Variants in RHPN2 observed in about 807,000 individuals in gnomAD.
RHPN2 encodes rhophilin-2.
RHPN2 carries 40 observed loss-of-function variants against 79.0 expected under a neutral mutation model. The ratio of observed to expected loss-of-function variants is 0.51; its 90% CI spans 0.39 to 0.66. The LOEUF (loss-of-function observed/expected upper bound fraction) is 0.66, where lower values mean the gene tolerates loss of function less well. RHPN2 is among the 30% of genes least tolerant of loss of function. The pLI is 0.00. For synonymous variants in RHPN2, 285 were observed against 363.5 expected (o/e 0.78, Z 2.46); for missense variants, 686 against 883.5 (o/e 0.78, Z 2.83).
intron 1 of RHPN2, among the ~76,000 whole-genome samples, chr19:33,059,894 C>T (rs76478779): frequency 0.015 from 2,238 of 152,290 alleles, 56 homozygotes; most frequent in African/African-American, 0.051. Flanking sequence ...ACCTCTCTAC[C>T]CACCTCTTAA....
At chr19:33,032,066 G>C (rs960031543) in intron 2 of RHPN2, among the ~76,000 whole-genome samples, 2 of 140,424 alleles carry the variant, frequency 1.4e-5, no homozygotes, top group African/African-American at 5.5e-5. Context: ...TTTCCCCCGG[G>C]CTGGAATGCA....
chr19:33,055,186 C>CA (rs1242979381), intron 1 of RHPN2, among the ~76,000 whole-genome samples: 1 of 151,910 alleles, frequency 6.6e-6, no homozygotes, highest in Non-Finnish European at 1.5e-5. Flanking sequence ...CCCATCTCTA[C>CA]AAAAAATAAA....
intron 2 of RHPN2, among the ~76,000 whole-genome samples, chr19:33,039,192 G>A (rs1599830181): frequency 6.6e-6 from 1 of 152,250 alleles, no homozygotes; most frequent in Middle Eastern, 3.4e-3. Flanking sequence ...AGCGAGGACT[G>A]TCCCATCCCC....
At chr19:33,027,121 G>A (rs891082588) in intron 2 of RHPN2, 3 of 254,558 alleles carry the variant, frequency 1.2e-5, no homozygotes, top group Non-Finnish European at 2.3e-5. Context: ...CTAGCTGGGT[G>A]TGGTGGTGCA....
intron 2 of RHPN2, among the ~76,000 whole-genome samples, chr19:33,031,132 A>C (rs2145253301): frequency 6.6e-6 from 1 of 152,192 alleles, no homozygotes; most frequent in Admixed American, 6.5e-5. Context: ...TTCCATGCTC[A>C]CTCCAGACAC....
chr19:33,035,834 G>T (rs1054975657), intron 2 of RHPN2, among the ~76,000 whole-genome samples: 1 of 151,970 alleles, frequency 6.6e-6, no homozygotes, highest in Non-Finnish European at 1.5e-5. Flanking sequence ...TAATAATATC[G>T]GGCCGGGCGC....
chr19:33,000,773 C>A (rs1431562065), intron 9 of RHPN2, among the ~76,000 whole-genome samples: 1 of 152,156 alleles, frequency 6.6e-6, no homozygotes, highest in Non-Finnish European at 1.5e-5. Context: ...TCCCTCTAGG[C>A]TGACCCTTCC....
chr19:33,029,519 C>G (rs1971993936), intron 2 of RHPN2, among the ~76,000 whole-genome samples: 1 of 124,584 alleles, frequency 8.0e-6, no homozygotes, highest in Non-Finnish European at 1.6e-5. Context: ...GAGCGAGACT[C>G]TATCTCAGAA....
At position 32,998,418 on chromosome 19, in the gene RHPN2, G is replaced by A. The variant is rs368389012; in HGVS notation, c.1225+1168C>T. The stretch of plus-strand genomic sequence containing the variant: ...AGCACTTTGGGAGACAGAGGCAGGA[G>A]GATCGCTGGAGGCCAGGAGTTCAAA... On this transcript the variant is annotated intron_variant, in intron 10 of 14. Coordinates refer to ENST00000254260, the MANE Select transcript of RHPN2 (RefSeq NM_033103.5). 4.4e-4 allele frequency among the ~76,000 whole-genome samples: 67 copies of A among 152,286 alleles called. No individual in the cohort carries two copies. In the South Asian group the frequency reaches 0.014, roughly 32 times the overall value.
At chr19:33,055,817 C>A (rs1972227887) in intron 1 of RHPN2, among the ~76,000 whole-genome samples, 2 of 151,890 alleles carry the variant, frequency 1.3e-5, no homozygotes, top group African/African-American at 4.8e-5. Flanking sequence ...CAACAGGGAC[C>A]ATAAACCAGG....
At position 32,991,987 on chromosome 19, in the gene RHPN2, G is replaced by A. The variant is rs538249285; in HGVS notation, c.1498-18C>T. 1.1e-5 allele frequency: 18 copies of A among 1,613,790 alleles called. No individual in the cohort carries two copies. In the Admixed American group the frequency reaches 1.8e-4, roughly 16 times the overall value. ...AAGGGGCCCTTTGGAAGAGAGCATCGTTAGGTGTAGGATTTGAAGGCTGGA... is the reference window on the plus strand; with the variant it reads ...AAGGGGCCCTTTGGAAGAGAGCATCATTAGGTGTAGGATTTGAAGGCTGGA... On this transcript the variant is annotated intron_variant, in intron 12 of 14. Coordinates refer to ENST00000254260, the MANE Select transcript of RHPN2 (RefSeq NM_033103.5).
At chr19:32,992,957 A>T (rs1274787895) in intron 12 of RHPN2, among the ~76,000 whole-genome samples, 4 of 151,546 alleles carry the variant, frequency 2.6e-5, no homozygotes, top group African/African-American at 9.7e-5. Context: ...CCATCTCTAC[A>T]AGAAATGAAA....
chr19:33,005,770 G>A (rs1254774664), intron 7 of RHPN2, among the ~76,000 whole-genome samples: 2 of 152,062 alleles, frequency 1.3e-5, no homozygotes, highest in African/African-American at 4.8e-5. Context: ...AGGACACAGA[G>A]TGCCTGCCTA....
At position 32,979,882 on chromosome 19, in the gene RHPN2, G is replaced by A. The variant is rs893625882; in HGVS notation, c.*114C>T. Reference sequence around the variant, plus strand: ...CACATCAAATGTGAGTTTACACTATGAGAAAAACAGGATTTGAGAACAGAT... The same window carrying A: ...CACATCAAATGTGAGTTTACACTATAAGAAAAACAGGATTTGAGAACAGAT... On this transcript the variant is annotated 3_prime_UTR_variant, in exon 15 of 15. Transcript: ENST00000254260. The A allele has an allele frequency of 1.5e-6, 2 of 1,305,666 alleles. No individual in the cohort carries two copies. Among genetic ancestry groups the A allele is most frequent in the Non-Finnish European group, 2.2e-6 (2 of 912,148 alleles). 80.9% of individuals were successfully genotyped at this position (1,305,666 alleles called of 1,614,324 possible). A position where few individuals can be genotyped will look rare whatever the true frequency, so the allele number is the denominator to read the frequency against.
intron 11 of RHPN2, among the ~76,000 whole-genome samples, chr19:32,994,853 C>T (rs1971688331): frequency 6.6e-6 from 1 of 151,878 alleles, no homozygotes; most frequent in Non-Finnish European, 1.5e-5. Flanking sequence ...GTCCCAGCTA[C>T]TTGGGAGGCT....
chr19:33,043,621 T>C (rs571467494), intron 2 of RHPN2, among the ~76,000 whole-genome samples: 1 of 152,294 alleles, frequency 6.6e-6, no homozygotes, highest in African/African-American at 2.4e-5. Flanking sequence ...AAGAAGAAAC[T>C]CTGCACTCTT....
rs138420737 is a variant in RHPN2 at position 32,985,608 on chromosome 19, G to A, written c.1800+4906C>T. ...CCGATATTGCGCCAGGGCAACGAGA[G>A]CGAGACCCTGTCTCAAAACAAAAAA... On this transcript the variant is annotated intron_variant, in intron 14 of 14. Transcript: ENST00000254260. Among the ~76,000 whole-genome samples, 707 of 152,278 alleles carry A rather than the reference G, an allele frequency of 4.6e-3. 11 individuals are homozygous for A. Among genetic ancestry groups the A allele is most frequent in the Admixed American group, 0.042 (635 of 15,286 alleles).
Position 32,981,701 on chromosome 19 carries a change from T to C in RHPN2, c.1801-1445A>G, listed in dbSNP as rs748114300. Among the ~76,000 whole-genome samples, 590 of 141,180 alleles carry C rather than the reference T, an allele frequency of 4.2e-3. 3 individuals are homozygous for C. Among genetic ancestry groups the C allele is most frequent in the Non-Finnish European group, 6.0e-3 (402 of 66,652 alleles). 92.6% of individuals were successfully genotyped at this position (141,180 alleles called of 152,430 possible). ...TGATTTTCTTTTTTTCTTTTTTTTC[T>C]TTTTCCTTTTTTTTTTTTTTTTTAA... On this transcript the variant is annotated intron_variant, in intron 14 of 14. Coordinates refer to ENST00000254260, the MANE Select transcript of RHPN2 (RefSeq NM_033103.5).
rs2146001891 is a variant in RHPN2 at position 32,991,218 on chromosome 19, G to A, written c.1645-549C>T. The A allele has an allele frequency of 1.1e-5, 2 of 187,382 alleles. 1 individual carries two copies. Among genetic ancestry groups the A allele is most frequent in the South Asian group, 2.1e-4 (2 of 9,632 alleles). 11.6% of individuals were successfully genotyped at this position (187,382 alleles called of 1,614,324 possible). A position where few individuals can be genotyped will look rare whatever the true frequency, so the allele number is the denominator to read the frequency against. The stretch of plus-strand genomic sequence containing the variant: ...CACACTTGTAATCCCAGCACTTTGG[G>A]AGGCCGAGGTAGGCGGATCACAAGA... On this transcript the variant is annotated intron_variant, in intron 13 of 14. Transcript: ENST00000254260.
Sources: gnomAD v4.1 joint callset for allele counts (sites outside exome capture counted in the v4.1 genomes callset) on GRCh38, gnomAD v4.1.1 for gene constraint, MANE v1.5 for transcripts, NCBI Gene and HGNC (gene_info 2026-07-23, HGNC 2026-07-21) for gene names.